The following FABP12 variants were observed in gnomAD, a reference collection of about 807,000 sequenced individuals.
FABP12 encodes the protein fatty acid-binding protein 12.
A neutral mutation model predicts 13.7 loss-of-function variants in FABP12; 19 were observed. The observed-to-expected ratio is 1.39, with a 90% confidence interval of 0.97 to 2.04. FABP12 has a LOEUF of 2.04. Among genes scored for constraint, FABP12 ranks in the 30% most tolerant of loss-of-function variants. FABP12 has a pLI of 0.00. For synonymous variants in FABP12, 61 were observed against 57.0 expected (o/e 1.07, Z -0.32); for missense variants, 182 against 164.2 (o/e 1.11, Z -0.59).
rs188051540 is a variant in FABP12 at position 81,553,961 on chromosome 8, T to A, written c.-184-14218A>T. Among the ~76,000 whole-genome samples, 10 of 152,314 alleles carry A rather than the reference T, an allele frequency of 6.6e-5. No individual in the cohort carries two copies. The East Asian group carries it at 1.9e-3, about 29-fold the overall frequency. ...TGTCAAAGATGCAGCACGCAGAGAATCTAAGTACTTCATTAAGGTGTCCCA... is the reference window on the plus strand; with the variant it reads ...TGTCAAAGATGCAGCACGCAGAGAAACTAAGTACTTCATTAAGGTGTCCCA... On this transcript the variant is annotated intron_variant, in intron 1 of 5. Coordinates refer to the FABP12 transcript ENST00000692030.
At chr8:81,530,857 A>G (rs1332165407) in intron 2 of FABP12, among the ~76,000 whole-genome samples, 1 of 152,208 alleles carries the variant, frequency 6.6e-6, no homozygotes, top group Admixed American at 6.5e-5. Context: ...CATTGCTGGC[A>G]CACACTAAGG....
At chr8:81,581,059 A>G (rs952012576) in intron 1 of FABP12, among the ~76,000 whole-genome samples, 3 of 152,318 alleles carry the variant, frequency 2.0e-5, no homozygotes, top group Non-Finnish European at 4.4e-5. Context: ...GGCCTGGAGC[A>G]AGTCTCCAAG....
rs1810015344 is a variant in FABP12 at position 81,575,175 on chromosome 8, G to T, written c.-185+14878C>A. 2.6e-5 allele frequency among the ~76,000 whole-genome samples: 4 copies of T among 152,130 alleles called. No homozygotes were observed. In the South Asian group the frequency reaches 8.3e-4, roughly 32 times the overall value. ...TGTCATTATTGTCATTCAGTTCAAAGAATTTTTTAATTTCGATCTTGGTTT... is the reference window on the plus strand; with the variant it reads ...TGTCATTATTGTCATTCAGTTCAAATAATTTTTTAATTTCGATCTTGGTTT... On this transcript the variant is annotated intron_variant, in intron 1 of 5. Coordinates refer to the FABP12 transcript ENST00000692030.
chr8:81,562,137 G>A (rs1222187059), intron 1 of FABP12, among the ~76,000 whole-genome samples: 1 of 152,170 alleles, frequency 6.6e-6, no homozygotes, highest in Admixed American at 6.5e-5. Context: ...AAGTCCTGAG[G>A]CCCCTATCCC....
chr8:81,554,313 A>G (rs964482447), intron 1 of FABP12, among the ~76,000 whole-genome samples: 1 of 152,202 alleles, frequency 6.6e-6, no homozygotes, highest in African/African-American at 2.4e-5. Context: ...AAAGCTCTGT[A>G]CTAGATGCCT....
rs1167487132 is a variant in FABP12, at chr8:81,541,910, TAAAAAAAAAAAAAA to T, written c.-184-2181_-184-2168del. ...CTGGACTTCCAGGAGTCCCAGGGTTTAAAAAAAAAAAAAAAAAAAAAAAAAAAAAAAGACAAAGA... is the reference window on the plus strand; with the variant it reads ...CTGGACTTCCAGGAGTCCCAGGGTTTAAAAAAAAAAAAAAAAAGACAAAGA... On this transcript the variant is annotated intron_variant, in intron 1 of 5. Coordinates refer to the FABP12 transcript ENST00000692030. Among the ~76,000 whole-genome samples, 604 of 71,174 alleles carry T rather than the reference TAAAAAAAAAAAAAA, an allele frequency of 8.5e-3. 9 individuals are homozygous for T. Among genetic ancestry groups the T allele is most frequent in the African/African-American group, 0.03 (569 of 19,116 alleles). The allele number at this position is 71,174 out of a possible 152,430, so 46.7% of individuals were successfully genotyped here.
At chr8:81,574,367 A>G (rs1809993359) in intron 1 of FABP12, among the ~76,000 whole-genome samples, 1 of 152,068 alleles carries the variant, frequency 6.6e-6, no homozygotes, top group African/African-American at 2.4e-5. Flanking sequence ...GCATTTTGAT[A>G]AGAGTTTTAG....
At chr8:81,554,855 C>T (rs1038666843) in intron 1 of FABP12, among the ~76,000 whole-genome samples, 12 of 151,944 alleles carry the variant, frequency 7.9e-5, no homozygotes, top group Admixed American at 3.3e-4. Context: ...AGAAAGTTTA[C>T]GAATTTGTGT....
chr8:81,527,184 AG>A, intron 3 of FABP12, 63 bp from the exon 4 acceptor site: 1 of 935,660 alleles, frequency 1.1e-6, no homozygotes, highest in East Asian at 2.6e-5. Flanking sequence ...AAATTTTATC[AG>A]GCAGCAAATT....
At chr8:81,570,466 C>T (rs1402780772) in intron 1 of FABP12, among the ~76,000 whole-genome samples, 1 of 152,232 alleles carries the variant, frequency 6.6e-6, no homozygotes, top group East Asian at 1.9e-4. Context: ...CAGAGAAGAC[C>T]GCAGTGGGCA....
intron 1 of FABP12, among the ~76,000 whole-genome samples, chr8:81,566,441 T>G (rs1474945191): frequency 6.6e-6 from 1 of 151,980 alleles, no homozygotes; most frequent in Non-Finnish European, 1.5e-5. Flanking sequence ...AAACCAAATT[T>G]AACAATACAT....
intron 1 of FABP12, among the ~76,000 whole-genome samples, chr8:81,587,257 G>A (rs987111491): frequency 2.0e-5 from 3 of 152,026 alleles, no homozygotes; most frequent in Non-Finnish European, 4.4e-5. Flanking sequence ...TTTTCTTTAG[G>A]ATTGCTTTGG....
intron 1 of FABP12, among the ~76,000 whole-genome samples, chr8:81,582,044 T>C (rs1363397556): frequency 6.6e-6 from 1 of 150,394 alleles, no homozygotes; most frequent in Non-Finnish European, 1.5e-5. Flanking sequence ...GAAATAAGCA[T>C]CAATGTATCA....
chr8:81,565,523 T>G (rs1365249878), intron 1 of FABP12, among the ~76,000 whole-genome samples: 1 of 151,878 alleles, frequency 6.6e-6, no homozygotes, highest in African/African-American at 2.4e-5. Flanking sequence ...ACAAGAGGAA[T>G]TTGGGGAACT....
At position 81,571,066 on chromosome 8, in the gene FABP12, C is replaced by CG. The variant is rs397773412; in HGVS notation, c.-185+18986_-185+18987insC. On this transcript the variant is annotated intron_variant, in intron 1 of 5. Coordinates refer to the FABP12 transcript ENST00000692030. ...CCCTCAGGCCCCCACTCAGTCCCCCCACCCCACTTACACTTGTGGGTGGCC... is the reference window on the plus strand; with the variant it reads ...CCCTCAGGCCCCCACTCAGTCCCCCCGACCCCACTTACACTTGTGGGTGGCC... Among the ~76,000 whole-genome samples the CG allele has an allele frequency of 2.6e-5, 4 of 151,870 alleles. No individual in the cohort carries two copies. The South Asian group carries it at 8.3e-4, about 32-fold the overall frequency.
intron 1 of FABP12, among the ~76,000 whole-genome samples, chr8:81,567,701 C>T (rs1809852310): frequency 6.6e-6 from 1 of 152,088 alleles, no homozygotes; most frequent in Non-Finnish European, 1.5e-5. Flanking sequence ...AACTATGAAA[C>T]TATTAAAATA....
At chr8:81,525,222 T>C (rs11994340) in intron 4 of FABP12, 102 bp from the exon 5 acceptor site, 38,820 of 798,600 alleles carry the variant, frequency 0.049, 1,931 homozygotes, top group African/African-American at 0.21. Flanking sequence ...TCCTTAAAAA[T>C]ATTGAAAGAG....
intron 1 of FABP12, among the ~76,000 whole-genome samples, chr8:81,572,261 C>G (rs531156979): frequency 6.6e-6 from 1 of 152,286 alleles, no homozygotes; most frequent in East Asian, 1.9e-4. Context: ...CCTGTCTCAT[C>G]CTGGTCACTG....
chr8:81,556,893 T>C (rs1369072846), intron 1 of FABP12, among the ~76,000 whole-genome samples: 1 of 143,818 alleles, frequency 7.0e-6, no homozygotes, highest in Non-Finnish European at 1.5e-5. Flanking sequence ...TTTTTTTTTT[T>C]TTTTTTTGCG....
Sources: allele counts gnomAD v4.1 joint callset (sites outside exome capture counted in the v4.1 genomes callset), GRCh38; gene constraint gnomAD v4.1.1; transcripts MANE v1.5; gene names NCBI Gene and HGNC (gene_info 2026-07-23, HGNC 2026-07-21).